Variants in PEBP4 observed in about 807,000 individuals in gnomAD.
The protein encoded by PEBP4 is phosphatidylethanolamine-binding protein 4.
In PEBP4, 22 loss-of-function variants were observed where a neutral mutation model predicts 23.9. The ratio of observed to expected loss-of-function variants is 0.92; its 90% CI spans 0.66 to 1.31. The LOEUF is 1.31. Among genes scored for constraint, PEBP4 ranks in the 40% most tolerant of loss-of-function variants. The pLI is 0.00. For missense variants in PEBP4, 324 were observed against 281.7 expected (o/e 1.15, Z -1.07); for synonymous variants, 112 against 99.3 (o/e 1.13, Z -0.76).
chr8:22,935,370 A>G (rs1023969952), intron 1 of PEBP4, among the ~76,000 whole-genome samples: 1 of 151,652 alleles, frequency 6.6e-6, no homozygotes, highest in African/African-American at 2.4e-5. Flanking sequence ...AAAATACAAA[A>G]ATTAGCTGGG....
intron 3 of PEBP4, among the ~76,000 whole-genome samples, chr8:22,845,556 G>A (rs1361816598): frequency 6.6e-6 from 1 of 152,108 alleles, no homozygotes; most frequent in African/African-American, 2.4e-5. Flanking sequence ...GCACATGGTA[G>A]AGATGTTCTA....
chr8:22,810,072 C>T (rs1806585441), intron 4 of PEBP4, among the ~76,000 whole-genome samples: 1 of 152,260 alleles, frequency 6.6e-6, no homozygotes, highest in South Asian at 2.1e-4. Flanking sequence ...CCCTGGAAAA[C>T]TTCCCCCACT....
intron 3 of PEBP4, among the ~76,000 whole-genome samples, chr8:22,821,372 C>T (rs1806853559): frequency 6.6e-6 from 1 of 152,172 alleles, no homozygotes; most frequent in Non-Finnish European, 1.5e-5. Flanking sequence ...TACTGCAGAA[C>T]TCACAGCATG....
intron 4 of PEBP4, among the ~76,000 whole-genome samples, chr8:22,729,844 C>T (rs1408702804): frequency 2.0e-5 from 3 of 152,194 alleles, no homozygotes; most frequent in Non-Finnish European, 4.4e-5. Context: ...CTCGGATTGT[C>T]TTGAGAATTG....
At chr8:22,839,128 CA>C (rs1807268305) in intron 3 of PEBP4, among the ~76,000 whole-genome samples, 1 of 152,226 alleles carries the variant, frequency 6.6e-6, no homozygotes. Flanking sequence ...CAATTTCTTT[CA>C]GATTCCGGCC....
intron 4 of PEBP4, among the ~76,000 whole-genome samples, chr8:22,744,129 T>C (rs1480622285): frequency 6.6e-6 from 1 of 152,208 alleles, no homozygotes; most frequent in African/African-American, 2.4e-5. Context: ...CCCAATTTGA[T>C]TGTAGACATT....
chr8:22,765,608 A>G (rs1805596955), intron 4 of PEBP4, among the ~76,000 whole-genome samples: 1 of 152,236 alleles, frequency 6.6e-6, no homozygotes, highest in South Asian at 2.1e-4. Flanking sequence ...AAACAAATTC[A>G]ACTTTCTCAT....
chr8:22,746,853 G>T (rs1805130686), intron 4 of PEBP4, among the ~76,000 whole-genome samples: 2 of 152,164 alleles, frequency 1.3e-5, no homozygotes, highest in African/African-American at 4.8e-5. Flanking sequence ...TCGGAGGAAT[G>T]GAGTTGTAAA....
At chr8:22,846,659 C>G (rs1807444088) in intron 3 of PEBP4, among the ~76,000 whole-genome samples, 1 of 152,152 alleles carries the variant, frequency 6.6e-6, no homozygotes, top group Non-Finnish European at 1.5e-5. Context: ...CAAAGCATCT[C>G]AACTCCACTC....
At position 22,898,676 on chromosome 8, in the gene PEBP4, T is replaced by C. The variant is rs183468903; in HGVS notation, c.258+21508A>G. Among the ~76,000 whole-genome samples the C allele has an allele frequency of 4.6e-5, 7 of 152,338 alleles. No homozygotes were observed. The East Asian group carries it at 1.3e-3, about 29-fold the overall frequency. On this transcript the variant is annotated intron_variant, in intron 3 of 6. Transcript: ENST00000256404. ...AAGCTAGAGGTGGCCCCTTGGCTGT[T>C]AGCTCCTCTTTGTCCCTTTCTTTAT...
intron 3 of PEBP4, among the ~76,000 whole-genome samples, chr8:22,881,993 G>C (rs943787811): frequency 6.6e-6 from 1 of 152,164 alleles, no homozygotes; most frequent in African/African-American, 2.4e-5. Context: ...GCCATCCCTG[G>C]CTCAATGGGG....
intron 3 of PEBP4, among the ~76,000 whole-genome samples, chr8:22,906,212 T>TACCTTA (rs1808809702): frequency 6.6e-6 from 1 of 152,088 alleles, no homozygotes; most frequent in African/African-American, 2.4e-5. Context: ...CAGAGGGTGT[T>TACCTTA]ACCTTAAGAC....
chr8:22,869,137 C>G (rs1031728803), intron 3 of PEBP4, among the ~76,000 whole-genome samples: 1 of 152,152 alleles, frequency 6.6e-6, no homozygotes, highest in Non-Finnish European at 1.5e-5. Context: ...TCTTTCTCTG[C>G]CTTCTTGGTT....
At chr8:22,905,420 C>T (rs1266869886) in intron 3 of PEBP4, among the ~76,000 whole-genome samples, 5 of 152,124 alleles carry the variant, frequency 3.3e-5, no homozygotes, top group Admixed American at 3.3e-4. Context: ...TTATTTATGG[C>T]AATTAAAGTG....
chr8:22,902,642 C>G (rs1365548521), intron 3 of PEBP4, among the ~76,000 whole-genome samples: 2 of 152,202 alleles, frequency 1.3e-5, no homozygotes, highest in African/African-American at 2.4e-5. Context: ...CCGATGAATG[C>G]TGAGATCTCA....
At chr8:22,722,731 A>T (rs1804542139) in intron 6 of PEBP4, among the ~76,000 whole-genome samples, 2 of 151,978 alleles carry the variant, frequency 1.3e-5, no homozygotes, top group South Asian at 4.1e-4. Flanking sequence ...TCACATGGCA[A>T]GACTGGGACC....
chr8:22,920,646 C>G (rs1238059038), intron 2 of PEBP4, among the ~76,000 whole-genome samples: 2 of 152,136 alleles, frequency 1.3e-5, no homozygotes, highest in Non-Finnish European at 2.9e-5. Context: ...GAACAGATAT[C>G]CTTAGGCAAA....
Position 22,790,780 on chromosome 8 carries a change from T to C in PEBP4, c.357+26857A>G, listed in dbSNP as rs574879518. Among the ~76,000 whole-genome samples the C allele has an allele frequency of 5.9e-5, 9 of 152,284 alleles. No homozygotes were observed. In the East Asian group the frequency reaches 1.3e-3, roughly 23 times the overall value. On this transcript the variant is annotated intron_variant, in intron 4 of 6. Transcript: ENST00000256404. ...CTGTTACTGTCAGTGTAGTTGCAAATATCATATAAAAAGGGCTTTTTGGCT... is the reference window on the plus strand; with the variant it reads ...CTGTTACTGTCAGTGTAGTTGCAAACATCATATAAAAAGGGCTTTTTGGCT...
intron 1 of PEBP4, among the ~76,000 whole-genome samples, chr8:22,940,014 G>A (rs1323525002): frequency 6.6e-6 from 1 of 152,220 alleles, no homozygotes; most frequent in East Asian, 1.9e-4. Flanking sequence ...TGAAATGGTG[G>A]TGCCTCAGGC....
Sources: gnomAD v4.1 joint callset for allele counts (sites outside exome capture counted in the v4.1 genomes callset) on GRCh38, gnomAD v4.1.1 for gene constraint, MANE v1.5 for transcripts, NCBI Gene and HGNC (gene_info 2026-07-23, HGNC 2026-07-21) for gene names.